ATP8A2: variants seen among roughly 807,000 people sequenced by gnomAD.
ATP8A2 encodes the protein ATPase phospholipid transporting 8A2.
ATP8A2 carries 100 observed loss-of-function variants against 165.6 expected under a neutral mutation model. The ratio of observed to expected loss-of-function variants is 0.60; its 90% confidence interval spans 0.51 to 0.71. The LOEUF is 0.71. Ranked by LOEUF, ATP8A2 falls within the 30% of genes least tolerant of loss-of-function variation. The pLI is 0.00. For missense variants in ATP8A2, 1,227 were observed against 1,479.5 expected, an observed-to-expected ratio of 0.83 and a Z score of 2.80; for synonymous variants, 543 against 548.8, an observed-to-expected ratio of 0.99 and a Z score of 0.15.
chr13:25,652,362 G>A (rs949104798), intron 24 of ATP8A2, among the ~76,000 whole-genome samples: 1 of 152,160 alleles, frequency 6.6e-6, no homozygotes, highest in Non-Finnish European at 1.5e-5. Context: ...AAACTCCAGA[G>A]TATGCTGGGG....
rs139572332 is a variant in ATP8A2, at chr13:25,579,411, C to T, written c.1868-397C>T. On this transcript the variant is annotated intron_variant, in intron 21 of 36. Transcript: ENST00000381655. ...ACATATGAGCACATGCTCACACACA[C>T]GCATGGGTGTGGCTGCCTGAAAGCC... Among the ~76,000 whole-genome samples the T allele has an allele frequency of 2.3e-3, 343 of 152,276 alleles. 1 individual carries two copies. The highest frequency in any genetic ancestry group is 7.8e-3 in the African/African-American group (323 of 41,582).
chr13:26,016,404 G>T (rs970394217), intron 36 of ATP8A2, among the ~76,000 whole-genome samples: 3 of 152,126 alleles, frequency 2.0e-5, no homozygotes, highest in Admixed American at 6.5e-5. Flanking sequence ...AAATCATCCC[G>T]CTGCAATCCC....
At chr13:25,912,945 T>G (rs1338356079) in intron 33 of ATP8A2, among the ~76,000 whole-genome samples, 1 of 152,162 alleles carries the variant, frequency 6.6e-6, no homozygotes, top group Non-Finnish European at 1.5e-5. Flanking sequence ...GCCTTTGAGG[T>G]CAGATAGCCC....
intron 2 of ATP8A2, among the ~76,000 whole-genome samples, chr13:25,528,827 T>C (rs1306398334): frequency 2.5e-5 from 2 of 81,472 alleles, no homozygotes; most frequent in East Asian, 3.9e-4. Flanking sequence ...TATGCACACA[T>C]ATGCAACATG....
At chr13:25,799,200 G>A (rs1190948407) in intron 27 of ATP8A2, among the ~76,000 whole-genome samples, 1 of 152,150 alleles carries the variant, frequency 6.6e-6, no homozygotes, top group Non-Finnish European at 1.5e-5. Context: ...GGTAATTATT[G>A]GAGAAGGAAC....
chr13:26,019,923 G>A lies in ATP8A2; in HGVS notation c.3505G>A (p.Val1169Ile). Residue 1169 changes from valine to isoleucine, a missense_variant, in exon 37 of 37, where the codon GTT becomes ATT. Coordinates refer to ENST00000381655, the MANE Select transcript of ATP8A2 (RefSeq NM_016529.6). ...YAFSQEEHGA[V>I]SQEEVIRAYD... The stretch of plus-strand genomic sequence containing the variant: ...TTTTTCTCAAGAAGAACACGGAGCT[G>A]TTAGTCAGGAAGAAGTCATCCGTGC... The A allele has an allele frequency of 6.2e-7, 1 of 1,614,114 alleles. No homozygotes were observed. The highest frequency in any genetic ancestry group is 8.5e-7 in the Non-Finnish European group (1 of 1,179,946).
chr13:25,961,774 TGGG>T, intron 34 of ATP8A2, 111 bp downstream of exon 34: 2 of 832,680 alleles, frequency 2.4e-6, no homozygotes, highest in Admixed American at 4.8e-5. Context: ...TCGGAAGAAA[TGGG>T]TCTCCTGCCA....
chr13:25,662,239 C>T (rs2042065994), intron 24 of ATP8A2, among the ~76,000 whole-genome samples: 1 of 152,156 alleles, frequency 6.6e-6, no homozygotes, highest in African/African-American at 2.4e-5. Context: ...ACTCTCATTA[C>T]TTGCCATGAT....
intron 33 of ATP8A2, among the ~76,000 whole-genome samples, chr13:25,936,492 C>G (rs1238537591): frequency 6.6e-6 from 1 of 152,170 alleles, no homozygotes; most frequent in Non-Finnish European, 1.5e-5. Flanking sequence ...CCAGGTATCC[C>G]TTAATTGAAA....
chr13:25,399,694 G>A (rs1334214560), intron 1 of ATP8A2, among the ~76,000 whole-genome samples: 1 of 151,438 alleles, frequency 6.6e-6, no homozygotes, highest in Non-Finnish European at 1.5e-5. Flanking sequence ...GAGCCACCGC[G>A]CCCGGCCCGT....
chr13:25,585,690 A>G (rs555608498), intron 23 of ATP8A2, among the ~76,000 whole-genome samples: 4 of 152,330 alleles, frequency 2.6e-5, no homozygotes, highest in East Asian at 3.9e-4. Flanking sequence ...AAGTGACTCA[A>G]TATGTCACTT....
At chr13:25,381,268 G>A (rs962876173) in intron 1 of ATP8A2, among the ~76,000 whole-genome samples, 29 of 152,128 alleles carry the variant, frequency 1.9e-4, no homozygotes, top group African/African-American at 6.3e-4. Context: ...CTCAGAGACC[G>A]GTCATTGATG....
intron 24 of ATP8A2, among the ~76,000 whole-genome samples, chr13:25,633,256 T>C (rs1245796942): frequency 6.6e-6 from 1 of 152,178 alleles, no homozygotes; most frequent in African/African-American, 2.4e-5. Context: ...GAATGGCATG[T>C]AAAGAAATTC....
In ATP8A2 at chr13:25,438,150, T is replaced by C. The variant is rs116311654; in HGVS notation, c.77-30827T>C. Among the ~76,000 whole-genome samples the C allele has an allele frequency of 4.9e-3, 741 of 152,254 alleles. 5 individuals are homozygous for C. Among genetic ancestry groups the C allele is most frequent in the African/African-American group, 0.017 (715 of 41,550 alleles). The stretch of plus-strand genomic sequence containing the variant: ...GAGATAGTTCAACCATGAGGGCAGA[T>C]GAGAAATGAGGAAGGGTCTGGGTAG... On this transcript the variant is annotated intron_variant, in intron 1 of 36. Coordinates refer to ENST00000381655, the MANE Select transcript of ATP8A2 (RefSeq NM_016529.6).
intron 27 of ATP8A2, among the ~76,000 whole-genome samples, chr13:25,785,044 T>C (rs898010854): frequency 7.3e-5 from 11 of 150,744 alleles, no homozygotes; most frequent in Non-Finnish European, 1.6e-4. Context: ...ATTACAGGCA[T>C]GAGCCACACG....
chr13:26,011,913 C>T (rs543845194), intron 35 of ATP8A2, among the ~76,000 whole-genome samples: 27 of 151,542 alleles, frequency 1.8e-4, no homozygotes, highest in African/African-American at 6.0e-4. Flanking sequence ...CCAGTCTGGA[C>T]GACAGTGAGA....
chr13:25,391,854 A>C (rs2033260349), intron 1 of ATP8A2, among the ~76,000 whole-genome samples: 1 of 152,246 alleles, frequency 6.6e-6, no homozygotes. Context: ...AAATCTCAGC[A>C]TGCAACAGTT....
At chr13:25,829,668 GTATATATATATATATATATATATATATA>G (rs71080203) in intron 28 of ATP8A2, among the ~76,000 whole-genome samples, 721 of 63,424 alleles carry the variant, frequency 0.011, 44 homozygotes, top group South Asian at 0.039. Context: ...GACAGGTGTG[GTATATATATATATATATATATATATATA>G]TATATATATA....
At chr13:25,964,270 C>G (rs942007624) in intron 34 of ATP8A2, among the ~76,000 whole-genome samples, 1 of 152,114 alleles carries the variant, frequency 6.6e-6, no homozygotes, top group Non-Finnish European at 1.5e-5. Context: ...AATATTTGTC[C>G]GAAGCACATA....
Sources: allele counts gnomAD v4.1 joint callset (sites outside exome capture counted in the v4.1 genomes callset), GRCh38; gene constraint gnomAD v4.1.1; transcripts MANE v1.5; gene names NCBI Gene and HGNC (gene_info 2026-07-23, HGNC 2026-07-21).